The following PON3 variants were observed in gnomAD, a reference collection of about 807,000 sequenced individuals.
The protein encoded by PON3 is serum paraoxonase/lactonase 3.
In PON3, 37 loss-of-function variants were observed where a neutral mutation model predicts 36.3. The ratio of observed to expected loss-of-function variants is 1.02; its 90% CI spans 0.78 to 1.34. PON3 has a LOEUF of 1.34. Among genes scored for constraint, PON3 ranks in the 40% most tolerant of loss-of-function variants. PON3 has a pLI of 0.00. For missense variants in PON3, 415 were observed against 426.5 expected (o/e 0.97, Z 0.24); for synonymous variants, 155 against 154.8 (o/e 1.00, Z -0.01).
chr7:95,379,663 C>T (rs1314238945), intron 3 of PON3, among the ~76,000 whole-genome samples: 1 of 152,192 alleles, frequency 6.6e-6, no homozygotes, highest in Non-Finnish European at 1.5e-5. Context: ...GGGAGGGGCG[C>T]CCGCCATTGC....
At chr7:95,384,607 C>T (rs1809144841) in intron 3 of PON3, among the ~76,000 whole-genome samples, 1 of 152,174 alleles carries the variant, frequency 6.6e-6, no homozygotes, top group African/African-American at 2.4e-5. Flanking sequence ...AAATGCTCAT[C>T]ATCACTGGCC....
At chr7:95,390,254 T>C in intron 2 of PON3, 45 bp from the exon 3 acceptor site, 1 of 1,427,254 alleles carries the variant, frequency 7.0e-7, no homozygotes, top group Non-Finnish European at 9.9e-7. Flanking sequence ...TATGAAGGCT[T>C]AAAAAATACG....
At chr7:95,394,204 A>C (rs1809380566) in intron 2 of PON3, among the ~76,000 whole-genome samples, 1 of 152,036 alleles carries the variant, frequency 6.6e-6, no homozygotes, top group South Asian at 2.1e-4. Flanking sequence ...GCCTGCTGTG[A>C]GGTTCTTGAG....
chr7:95,367,521 G>T, intron 4 of PON3, 33 bp from the exon 5 acceptor site: 1 of 1,608,028 alleles, frequency 6.2e-7, no homozygotes, highest in Non-Finnish European at 8.5e-7. Context: ...TTCCAAGAAA[G>T]TTACCCCTAT....
intron 4 of PON3, 84 bp from the exon 5 acceptor site, chr7:95,367,572 CA>C: frequency 6.8e-7 from 1 of 1,466,380 alleles, no homozygotes; most frequent in Non-Finnish European, 9.5e-7. Context: ...TGGTCACTTC[CA>C]AAAGTTTTCT....
chr7:95,374,312 C>G (rs1436026120), intron 3 of PON3, among the ~76,000 whole-genome samples: 1 of 151,930 alleles, frequency 6.6e-6, no homozygotes, highest in Non-Finnish European at 1.5e-5. Context: ...TTTATTCATT[C>G]TCTTTCTTTC....
chr7:95,374,994 T>C (rs1808883253), intron 3 of PON3, among the ~76,000 whole-genome samples: 1 of 152,130 alleles, frequency 6.6e-6, no homozygotes, highest in South Asian at 2.1e-4. Flanking sequence ...TCTGTAACTC[T>C]AGCTTGCCTT....
chr7:95,392,217 T>C (rs1294663297), intron 2 of PON3, among the ~76,000 whole-genome samples: 4 of 152,254 alleles, frequency 2.6e-5, no homozygotes, highest in Non-Finnish European at 5.9e-5. Context: ...CATTCTAACT[T>C]GTTTAGTTCA....
rs776943469 is a variant in PON3 at position 95,390,147 on chromosome 7, TACTC to T, written c.201+3_201+6del. On this transcript the variant is annotated splice_donor_5th_base_variant and intron_variant, in intron 3 of 8. Coordinates refer to ENST00000265627, the MANE Select transcript of PON3 (RefSeq NM_000940.3). The stretch of plus-strand genomic sequence containing the variant: ...GTGAGCATGAGAGCAGCATGGAAAA[TACTC>T]ACACTGGAGATAAAAGCCAGCCCAC... 2.5e-6 allele frequency: 4 copies of T among 1,599,470 alleles called. No individual in the cohort carries two copies. In the South Asian group the frequency reaches 4.4e-5, roughly 18 times the overall value.
intron 4 of PON3, 86 bp from the exon 5 acceptor site, chr7:95,367,574 A>G: frequency 6.8e-7 from 1 of 1,463,442 alleles, no homozygotes; most frequent in Non-Finnish European, 9.5e-7. Flanking sequence ...GTCACTTCCA[A>G]AAGTTTTCTT....
intron 3 of PON3, among the ~76,000 whole-genome samples, chr7:95,377,288 C>T (rs750440008): frequency 1.4e-4 from 22 of 152,156 alleles, no homozygotes; most frequent in Non-Finnish European, 2.8e-4. Context: ...CAGAGCCCAC[C>T]ACAGCTCAGC....
chr7:95,389,407 G>T (rs759198222), intron 3 of PON3, among the ~76,000 whole-genome samples: 1 of 152,070 alleles, frequency 6.6e-6, no homozygotes, highest in African/African-American at 2.4e-5. Context: ...TGGAATATTA[G>T]ACATCCAATT....
intron 3 of PON3, among the ~76,000 whole-genome samples, chr7:95,378,168 A>G (rs1049963697): frequency 6.6e-6 from 1 of 152,188 alleles, no homozygotes; most frequent in African/African-American, 2.4e-5. Context: ...GTGATTGAAG[A>G]CCAAAGTAAT....
intron 3 of PON3, among the ~76,000 whole-genome samples, chr7:95,376,601 C>T (rs1489597253): frequency 6.6e-6 from 1 of 151,582 alleles, no homozygotes; most frequent in African/African-American, 2.4e-5. Context: ...ATATATACTT[C>T]CTGTATAGCA....
chr7:95,394,938 A>T (rs945455962), intron 1 of PON3, among the ~76,000 whole-genome samples: 10 of 152,200 alleles, frequency 6.6e-5, no homozygotes. Context: ...TTGCTGAAAA[A>T]CTGTATAATA....
intron 3 of PON3, among the ~76,000 whole-genome samples, chr7:95,389,775 G>A (rs994421606): frequency 4.6e-5 from 7 of 152,210 alleles, no homozygotes; most frequent in African/African-American, 1.4e-4. Flanking sequence ...GACATGGTGA[G>A]AGGAATACCA....
chr7:95,389,712 T>C (rs1470616916), intron 3 of PON3, among the ~76,000 whole-genome samples: 2 of 152,102 alleles, frequency 1.3e-5, no homozygotes, highest in Non-Finnish European at 2.9e-5. Flanking sequence ...TTAAATCGAG[T>C]AACGTGGTTA....
At chr7:95,392,522 C>A (rs1362754551) in intron 2 of PON3, among the ~76,000 whole-genome samples, 1 of 152,138 alleles carries the variant, frequency 6.6e-6, no homozygotes, top group Non-Finnish European at 1.5e-5. Flanking sequence ...CACCACAAAA[C>A]AGTAAACAAA....
At position 95,393,282 on chromosome 7, in the gene PON3, G is replaced by C. The variant is rs574683961; in HGVS notation, c.145+1362C>G. The stretch of plus-strand genomic sequence containing the variant: ...GAGTTTACAATCTGATAGTGAAAGA[G>C]AGAACACTGCTAGCTATAATACAAG... On this transcript the variant is annotated intron_variant, in intron 2 of 8. Transcript: ENST00000265627. Among the ~76,000 whole-genome samples the C allele has an allele frequency of 1.0e-3, 158 of 152,296 alleles. 1 individual carries two copies. The highest frequency in any genetic ancestry group is 9.0e-4 in the Non-Finnish European group (61 of 68,034).
Sources: gnomAD v4.1 joint callset for allele counts (sites outside exome capture counted in the v4.1 genomes callset) on GRCh38, gnomAD v4.1.1 for gene constraint, MANE v1.5 for transcripts, NCBI Gene and HGNC (gene_info 2026-07-23, HGNC 2026-07-21) for gene names.